RHBDD1: variants seen among roughly 807,000 people sequenced by gnomAD.
The protein encoded by RHBDD1 is rhomboid-related protein 4.
A neutral mutation model predicts 36.3 loss-of-function variants in RHBDD1; 38 were observed. The ratio of observed to expected loss-of-function variants is 1.05; its 90% CI spans 0.81 to 1.37. The LOEUF is 1.37. RHBDD1 is among the 40% of genes most tolerant of loss of function. The pLI is 0.00. For missense variants in RHBDD1, 393 were observed against 377.6 expected (o/e 1.04, Z -0.34); for synonymous variants, 151 against 136.5 (o/e 1.11, Z -0.74).
chr2:226,971,126 T>C (rs1953404128), intron 8 of RHBDD1, among the ~76,000 whole-genome samples: 1 of 152,152 alleles, frequency 6.6e-6, no homozygotes, highest in Admixed American at 6.5e-5. Flanking sequence ...TCTGGAACAT[T>C]TTCATGGGCC....
rs13417552 is a variant in RHBDD1, at chr2:226,854,392, A to C, written c.-90-10212A>C. Among the ~76,000 whole-genome samples, 964 of 152,228 alleles carry C rather than the reference A, an allele frequency of 6.3e-3. 8 individuals are homozygous for C. The highest frequency in any genetic ancestry group is 0.022 in the African/African-American group (927 of 41,522). On this transcript the variant is annotated intron_variant, in intron 3 of 8. Coordinates refer to ENST00000392062, the MANE Select transcript of RHBDD1 (RefSeq NM_001167608.3). ...CGGATCACCCAAGGTTAGGGGTTCA[A>C]AACCAGACTGGCCAACATGGTGAAA... is the stretch of plus-strand genomic sequence containing the variant.
intron 8 of RHBDD1, among the ~76,000 whole-genome samples, chr2:226,981,549 C>T (rs938630276): frequency 1.4e-5 from 2 of 139,468 alleles, no homozygotes; most frequent in Admixed American, 1.4e-4. Context: ...CATCCATGCA[C>T]TCATCCACAT....
chr2:226,844,942 T>C (rs941263829), intron 3 of RHBDD1, among the ~76,000 whole-genome samples: 4 of 152,206 alleles, frequency 2.6e-5, no homozygotes, highest in African/African-American at 9.6e-5. Context: ...TATGTATAAA[T>C]ATAGTCTAAT....
At chr2:226,812,862 C>T in the RHBDD1 span, among the ~76,000 whole-genome samples, 2 of 152,096 alleles carry the variant, frequency 1.3e-5, no homozygotes, top group Admixed American at 6.5e-5. Context: ...CAATAAAAAC[C>T]TTAGAGATGT....
chr2:226,958,481 C>T (rs77228036), intron 8 of RHBDD1, among the ~76,000 whole-genome samples: 1 of 152,142 alleles, frequency 6.6e-6, no homozygotes, highest in Non-Finnish European at 1.5e-5. Context: ...AATGATTATA[C>T]AGCTCTGTGA....
At chr2:226,870,713 C>T (rs1944731096) in intron 5 of RHBDD1, among the ~76,000 whole-genome samples, 1 of 152,150 alleles carries the variant, frequency 6.6e-6, no homozygotes, top group Admixed American at 6.5e-5. Flanking sequence ...ACACATTGTG[C>T]ATGTTATATG....
At chr2:226,931,188 C>G (rs1950010794) in intron 8 of RHBDD1, among the ~76,000 whole-genome samples, 1 of 151,980 alleles carries the variant, frequency 6.6e-6, no homozygotes, top group Non-Finnish European at 1.5e-5. Flanking sequence ...TTATGCACAC[C>G]TGCATGCATA....
At chr2:226,856,694 A>G (rs1017074331) in intron 3 of RHBDD1, among the ~76,000 whole-genome samples, 1 of 152,192 alleles carries the variant, frequency 6.6e-6, no homozygotes, top group Non-Finnish European at 1.5e-5. Flanking sequence ...AAAAAAATGC[A>G]TGTAGCGTTT....
intron 8 of RHBDD1, among the ~76,000 whole-genome samples, chr2:226,967,490 C>T (rs1255866102): frequency 3.3e-5 from 5 of 150,744 alleles, no homozygotes; most frequent in African/African-American, 9.8e-5. Context: ...CCCATTAACT[C>T]GTCATTTAAC....
intron 8 of RHBDD1, among the ~76,000 whole-genome samples, chr2:226,931,484 C>T (rs1457415215): frequency 6.6e-6 from 1 of 151,842 alleles, no homozygotes; most frequent in Non-Finnish European, 1.5e-5. Context: ...ACTTTTGAGA[C>T]TCAGAAGGGG....
intron 8 of RHBDD1, among the ~76,000 whole-genome samples, chr2:226,944,681 G>C: frequency 6.6e-6 from 1 of 152,134 alleles, no homozygotes; most frequent in East Asian, 1.9e-4. Flanking sequence ...TTTTCCTCCT[G>C]AGTGGCTGTA....
At chr2:226,938,419 G>A (rs1950477875) in intron 8 of RHBDD1, among the ~76,000 whole-genome samples, 1 of 151,952 alleles carries the variant, frequency 6.6e-6, no homozygotes, top group Non-Finnish European at 1.5e-5. Context: ...TTGCTGTGCA[G>A]AATCAGAAAT....
chr2:226,829,026 C>A, the RHBDD1 span, among the ~76,000 whole-genome samples: 2 of 152,056 alleles, frequency 1.3e-5, no homozygotes, highest in Admixed American at 1.3e-4. Context: ...ATAGTTTTAG[C>A]TGTTACATTT....
At chr2:226,895,580 C>G in intron 5 of RHBDD1, 1 of 682,728 alleles carries the variant, frequency 1.5e-6, no homozygotes, top group Non-Finnish European at 1.8e-6. Flanking sequence ...TTAAGGGAGT[C>G]GGGGGAGATT....
chr2:226,910,555 T>G (rs1948449773), intron 7 of RHBDD1, among the ~76,000 whole-genome samples: 1 of 152,174 alleles, frequency 6.6e-6, no homozygotes, highest in Admixed American at 6.5e-5. Context: ...CTTGGTGGTG[T>G]TTCTTGATCT....
chr2:226,809,781 C>T, the RHBDD1 span, among the ~76,000 whole-genome samples: 2 of 152,028 alleles, frequency 1.3e-5, no homozygotes, highest in Admixed American at 1.3e-4. Context: ...TAAAACTTTA[C>T]AAAATAACAA....
chr2:226,947,792 TG>T (rs990673985), intron 8 of RHBDD1, among the ~76,000 whole-genome samples: 1 of 152,170 alleles, frequency 6.6e-6, no homozygotes, highest in African/African-American at 2.4e-5. Flanking sequence ...AGGACATTTA[TG>T]CAGCCAAAAA....
chr2:226,952,778 G>A (rs1951518935), intron 8 of RHBDD1, among the ~76,000 whole-genome samples: 2 of 152,164 alleles, frequency 1.3e-5, no homozygotes, highest in African/African-American at 4.8e-5. Flanking sequence ...TCTGCCCTCA[G>A]GGAATGTGGT....
At chr2:226,938,545 A>G (rs76485452) in intron 8 of RHBDD1, among the ~76,000 whole-genome samples, 2,534 of 152,252 alleles carry the variant, frequency 0.017, 62 homozygotes, top group African/African-American at 0.058. Flanking sequence ...AAATTCATGT[A>G]CATACACCCT....
Sources: allele counts gnomAD v4.1 joint callset (sites outside exome capture counted in the v4.1 genomes callset), GRCh38; gene constraint gnomAD v4.1.1; transcripts MANE v1.5; gene names NCBI Gene and HGNC (gene_info 2026-07-23, HGNC 2026-07-21).